Variants in NRXN3 observed in about 807,000 individuals in gnomAD.
NRXN3 encodes the protein neurexin 3.
In NRXN3, 32 loss-of-function variants were observed where a neutral mutation model predicts 137.6. The ratio of observed to expected loss-of-function variants is 0.23; its 90% CI spans 0.18 to 0.31. The LOEUF is 0.31. NRXN3 is among the 10% of genes least tolerant of loss of function. The pLI is 1.00. For missense variants in NRXN3, 1,574 were observed against 2,062.5 expected (o/e 0.76, Z 4.59); for synonymous variants, 798 against 784.5 (o/e 1.02, Z -0.29).
At chr14:78,475,805 GAAGAA>G (rs1249421537) in intron 4 of NRXN3, among the ~76,000 whole-genome samples, 1 of 152,136 alleles carries the variant, frequency 6.6e-6, no homozygotes, top group Non-Finnish European at 1.5e-5. Flanking sequence ...ATTGCTTAGA[GAAGAA>G]GAGGAAGAAG....
intron 19 of NRXN3, among the ~76,000 whole-genome samples, chr14:79,742,146 CT>C (rs2098965289): frequency 6.6e-6 from 1 of 152,074 alleles, no homozygotes; most frequent in Admixed American, 6.6e-5. Context: ...GAAATTAATT[CT>C]TTTGGTTTAG....
At chr14:79,057,408 T>G (rs1403610962) in intron 15 of NRXN3, among the ~76,000 whole-genome samples, 2 of 152,238 alleles carry the variant, frequency 1.3e-5, no homozygotes, top group Non-Finnish European at 2.9e-5. Flanking sequence ...GTGTGTTATT[T>G]TTAGCCTTTT....
chr14:78,372,984 G>T (rs1036761636), intron 4 of NRXN3, among the ~76,000 whole-genome samples: 1 of 152,114 alleles, frequency 6.6e-6, no homozygotes, highest in Non-Finnish European at 1.5e-5. Flanking sequence ...GAATAATGAA[G>T]TTCTGGGTTA....
intron 10 of NRXN3, among the ~76,000 whole-genome samples, chr14:78,849,897 A>G (rs2099037983): frequency 6.6e-6 from 1 of 152,156 alleles, no homozygotes; most frequent in Non-Finnish European, 1.5e-5. Context: ...TGCGAAGGAA[A>G]GGGTGGAAAG....
At chr14:78,778,235 A>G (rs952001504) in intron 8 of NRXN3, among the ~76,000 whole-genome samples, 2 of 152,242 alleles carry the variant, frequency 1.3e-5, no homozygotes, top group Admixed American at 6.5e-5. Context: ...ATTTTCAGCT[A>G]TCCTTGAGAA....
chr14:78,856,677 T>C (rs1288675864), intron 10 of NRXN3, among the ~76,000 whole-genome samples: 1 of 152,164 alleles, frequency 6.6e-6, no homozygotes, highest in African/African-American at 2.4e-5. Flanking sequence ...CTGTTGAGTG[T>C]CTTATGGATA....
chr14:79,510,811 A>C (rs1317439322), intron 16 of NRXN3, among the ~76,000 whole-genome samples: 1 of 152,166 alleles, frequency 6.6e-6, no homozygotes, highest in Admixed American at 6.5e-5. Context: ...GTTCCAGCTT[A>C]GTCATATCTC....
chr14:79,823,173 C>T (rs1463722785), intron 20 of NRXN3, among the ~76,000 whole-genome samples: 1 of 152,152 alleles, frequency 6.6e-6, no homozygotes, highest in Admixed American at 6.6e-5. Flanking sequence ...ATCCCCTCTC[C>T]TCTTTTTTGT....
At chr14:78,679,863 G>T (rs2098054887) in intron 6 of NRXN3, among the ~76,000 whole-genome samples, 1 of 152,114 alleles carries the variant, frequency 6.6e-6, no homozygotes, top group Admixed American at 6.6e-5. Context: ...TCCTTCTCCT[G>T]GTTCAAATCC....
At chr14:79,183,891 A>G (rs189815277) in intron 15 of NRXN3, among the ~76,000 whole-genome samples, 71 of 152,298 alleles carry the variant, frequency 4.7e-4, no homozygotes, top group Non-Finnish European at 7.8e-4. Flanking sequence ...GAATCCTCAA[A>G]TGGTTTTGAA....
intron 4 of NRXN3, among the ~76,000 whole-genome samples, chr14:78,492,812 A>G (rs1253387442): frequency 6.6e-6 from 1 of 152,204 alleles, no homozygotes; most frequent in African/African-American, 2.4e-5. Flanking sequence ...CAAGCTCTGA[A>G]TAATAATAAG....
chr14:78,491,700 C>T (rs2095671840), intron 4 of NRXN3, among the ~76,000 whole-genome samples: 1 of 152,016 alleles, frequency 6.6e-6, no homozygotes, highest in African/African-American at 2.4e-5. Context: ...GATAGAGAAC[C>T]CCAGCTCCCC....
At chr14:78,578,490 G>A (rs780234771) in intron 4 of NRXN3, among the ~76,000 whole-genome samples, 5 of 152,180 alleles carry the variant, frequency 3.3e-5, no homozygotes, top group Non-Finnish European at 7.4e-5. Flanking sequence ...TTTGAAATGA[G>A]TCTTTAGTTT....
chr14:78,430,715 G>T (rs2093844895), intron 4 of NRXN3, among the ~76,000 whole-genome samples: 1 of 152,198 alleles, frequency 6.6e-6, no homozygotes, highest in South Asian at 2.1e-4. Flanking sequence ...GTTCAGAGAA[G>T]TGGGTGCACT....
intron 6 of NRXN3, among the ~76,000 whole-genome samples, chr14:78,658,017 G>T (rs2097798795): frequency 6.6e-6 from 1 of 151,918 alleles, no homozygotes; most frequent in Non-Finnish European, 1.5e-5. Flanking sequence ...TAATTCGTTT[G>T]TTTCCCAAGC....
chr14:79,679,927 G>A (rs2098661176), intron 17 of NRXN3, among the ~76,000 whole-genome samples: 2 of 152,104 alleles, frequency 1.3e-5, no homozygotes, highest in African/African-American at 2.4e-5. Context: ...TGTCACTTGA[G>A]TTGTAAATCA....
chr14:78,784,275 C>T (rs139249072), intron 8 of NRXN3, among the ~76,000 whole-genome samples: 18 of 152,170 alleles, frequency 1.2e-4, no homozygotes, highest in African/African-American at 3.4e-4. Context: ...CAGGTAATTC[C>T]ATACCAAGGA....
At chr14:79,608,771 C>T (rs929994730) in intron 16 of NRXN3, among the ~76,000 whole-genome samples, 8 of 152,006 alleles carry the variant, frequency 5.3e-5, no homozygotes, top group Non-Finnish European at 8.8e-5. Context: ...AACACCTGTC[C>T]CCATTTGTTG....
At chr14:78,773,911 C>T (rs2098736810) in intron 8 of NRXN3, among the ~76,000 whole-genome samples, 1 of 152,112 alleles carries the variant, frequency 6.6e-6, no homozygotes, top group East Asian at 1.9e-4. Context: ...AAGCGATTCT[C>T]CTGCCTCAGC....
Sources: allele counts gnomAD v4.1 joint callset (sites outside exome capture counted in the v4.1 genomes callset), GRCh38; gene constraint gnomAD v4.1.1; transcripts MANE v1.5; gene names NCBI Gene and HGNC (gene_info 2026-07-23, HGNC 2026-07-21).